PDPR: variants seen among roughly 807,000 people sequenced by gnomAD.
PDPR encodes pyruvate dehydrogenase phosphatase regulatory subunit, mitochondrial.
In PDPR, 50 loss-of-function variants were observed where a neutral mutation model predicts 102.2. That is an observed-to-expected ratio of 0.49 (90% confidence interval 0.39 to 0.62). The LOEUF is 0.62. Ranked by LOEUF, PDPR falls within the 20% of genes least tolerant of loss-of-function variation. The probability of loss-of-function intolerance (pLI) is 0.00; values close to 1 mark genes in which losing one functional copy is unlikely to be tolerated. For synonymous variants in PDPR, 259 were observed against 406.0 expected, an observed-to-expected ratio of 0.64 and a Z score of 4.35; for missense variants, 625 against 1,098.2, an observed-to-expected ratio of 0.57 and a Z score of 6.09.
Position 70,157,457 on chromosome 16 carries a change from C to G in PDPR, c.*578C>G, listed in dbSNP as rs1466065038. The stretch of plus-strand genomic sequence containing the variant: ...TCTACCTCACTGATAAGAGGCATCG[C>G]ATGGACGTTCTCTGGTCTGTAGTGG... On this transcript the variant is annotated 3_prime_UTR_variant, in exon 19 of 19. Transcript: ENST00000288050. 1 of 346,096 alleles carries G rather than the reference C, an allele frequency of 2.9e-6. No individual in the cohort carries two copies. Among genetic ancestry groups the G allele is most frequent in the Non-Finnish European group, 5.7e-6 (1 of 176,664 alleles). 21.4% of individuals were successfully genotyped at this position (346,096 alleles called of 1,614,324 possible). A position where few individuals can be genotyped will look rare whatever the true frequency, so the allele number is the denominator to read the frequency against.
At chr16:70,135,191 G>C (rs1300750460) in intron 9 of PDPR, among the ~76,000 whole-genome samples, 2 of 152,214 alleles carry the variant, frequency 1.3e-5, no homozygotes, top group Non-Finnish European at 1.5e-5. Flanking sequence ...CTTTAAAGCA[G>C]GGTGAAAGTC....
chr16:70,152,806 C>T (rs185859832), intron 17 of PDPR, among the ~76,000 whole-genome samples: 8 of 152,400 alleles, frequency 5.2e-5, no homozygotes, highest in East Asian at 1.9e-4. Context: ...GATCTGATAA[C>T]GTACATGTTT....
At chr16:70,120,328 G>C in intron 2 of PDPR, 133 bp from the exon 3 acceptor site, 1 of 612,282 alleles carries the variant, frequency 1.6e-6, no homozygotes, top group Non-Finnish European at 3.0e-6. Context: ...GGGATTACAG[G>C]TGTGAGGCAC....
chr16:70,120,709 G>T lies in PDPR; in HGVS notation c.217G>T (p.Glu73Ter), dbSNP rs1009043408. 2 of 1,609,740 alleles carry T rather than the reference G, an allele frequency of 1.2e-6. No individual in the cohort carries two copies. The highest frequency in any genetic ancestry group is 1.1e-5 in the South Asian group (1 of 90,988). The change falls in exon 3 of 19, where the codon GAG becomes TAG. Residue 73 changes from glutamate to a stop codon, truncating the protein, a stop_gained. Coordinates refer to ENST00000288050, the MANE Select transcript of PDPR (RefSeq NM_017990.5). LOFTEE classifies it high-confidence loss of function. ...GGGGTGGAAGGATATTGTCCTTTTG[G>T]AGCAGGGCAGGTAAGGATCAGACTG... is the stretch of plus-strand genomic sequence containing the variant. ...KMGWKDIVLL[E>*]QGRLAAGSTR...
At chr16:70,147,495 C>A (rs1157354893) in intron 16 of PDPR, 57 of 390,060 alleles carry the variant, frequency 1.5e-4, no homozygotes, top group African/African-American at 9.8e-4. Context: ...GAAGAAATGG[C>A]GTAGGTGAAT....
In PDPR at chr16:70,157,374, TC is replaced by T. The variant is rs1808045210; in HGVS notation, c.*496del. The T allele has an allele frequency of 2.7e-6, 1 of 369,084 alleles. No homozygotes were observed. The highest frequency in any genetic ancestry group is 3.6e-5 in the Admixed American group (1 of 27,916). 22.9% of individuals were successfully genotyped at this position (369,084 alleles called of 1,614,324 possible). The stretch of plus-strand genomic sequence containing the variant: ...TCGTGCCTGCAGCCCGGCAGCTCGT[TC>T]TCCTGTTCTGCTGTGCTGTGGGCTG... On this transcript the variant is annotated 3_prime_UTR_variant, in exon 19 of 19. Transcript: ENST00000288050.
intron 17 of PDPR, 81 bp from the exon 18 acceptor site, chr16:70,153,310 T>G (rs1243126419): frequency 7.1e-7 from 1 of 1,400,976 alleles, no homozygotes; most frequent in African/African-American, 1.4e-5. Context: ...GTTAATAGTG[T>G]GAGCCATCAG....
At chr16:70,135,303 C>G (rs1965009126) in intron 9 of PDPR, among the ~76,000 whole-genome samples, 1 of 150,238 alleles carries the variant, frequency 6.7e-6, no homozygotes, top group African/African-American at 2.5e-5. Flanking sequence ...GTGTCACGAT[C>G]TCTGCTCACT....
chr16:70,131,933 A>G, intron 8 of PDPR: 2 of 1,490,438 alleles, frequency 1.3e-6, no homozygotes, highest in South Asian at 2.4e-5. Flanking sequence ...AATCAGAGAA[A>G]CAGTCTCCAC....
In PDPR at chr16:70,156,302, A is replaced by G. The variant is rs1967179989; in HGVS notation, c.2236-173A>G. 11 of 736,920 alleles carry G rather than the reference A, an allele frequency of 1.5e-5. No homozygotes were observed. The South Asian group carries it at 1.9e-4, about 13-fold the overall frequency. 45.6% of individuals were successfully genotyped at this position (736,920 alleles called of 1,614,324 possible). ...TACCGCGGCGTCTTTTATATTTCACATGCAGTTTTTCACATGGTAGAAATC... is the reference window on the plus strand; with the variant it reads ...TACCGCGGCGTCTTTTATATTTCACGTGCAGTTTTTCACATGGTAGAAATC... On this transcript the variant is annotated intron_variant, in intron 18 of 18. Coordinates refer to ENST00000288050, the MANE Select transcript of PDPR (RefSeq NM_017990.5).
chr16:70,121,413 C>G (rs576413024), intron 3 of PDPR, among the ~76,000 whole-genome samples: 26 of 151,606 alleles, frequency 1.7e-4, no homozygotes, highest in African/African-American at 5.3e-4. Flanking sequence ...CAATATTGGC[C>G]GGGCATGGTG....
At chr16:70,131,134 A>G (rs1964497159) in intron 7 of PDPR, among the ~76,000 whole-genome samples, 168 bp from the exon 8 acceptor site, 1 of 152,312 alleles carries the variant, frequency 6.6e-6, no homozygotes, top group African/African-American at 2.4e-5. Flanking sequence ...TAAAAAATGT[A>G]GTATTGCTCC....
intron 8 of PDPR, chr16:70,131,627 T>C: frequency 1.0e-6 from 1 of 970,556 alleles, no homozygotes; most frequent in Non-Finnish European, 1.2e-6. Flanking sequence ...ATTTTTTTGT[T>C]TTTGTTTGTT....
chr16:70,152,486 C>T (rs1443412071), intron 17 of PDPR, among the ~76,000 whole-genome samples: 1 of 152,270 alleles, frequency 6.6e-6, no homozygotes, highest in African/African-American at 2.4e-5. Context: ...CCACTTCACT[C>T]TAGCCTGGGC....
chr16:70,122,186 CG>C, intron 3 of PDPR, among the ~76,000 whole-genome samples: 1 of 152,346 alleles, frequency 6.6e-6, no homozygotes, highest in Admixed American at 6.5e-5. Context: ...AGGATTTCAC[CG>C]TGTTAGCCAG....
intron 3 of PDPR, among the ~76,000 whole-genome samples, chr16:70,122,627 A>G (rs1259682859): frequency 6.6e-6 from 1 of 152,280 alleles, no homozygotes; most frequent in Non-Finnish European, 1.5e-5. Flanking sequence ...CCCTTTGAGG[A>G]GAGATGGATT....
In PDPR at chr16:70,160,679, T is replaced by G. The variant is rs1266791516; in HGVS notation, c.*3800T>G. 3 of 152,544 alleles carry G rather than the reference T, an allele frequency of 2.0e-5. No individual in the cohort carries two copies. Among genetic ancestry groups the G allele is most frequent in the East Asian group, 3.8e-4 (2 of 5,206 alleles). 9.4% of individuals were successfully genotyped at this position (152,544 alleles called of 1,614,324 possible). A position where few individuals can be genotyped will look rare whatever the true frequency, so the allele number is the denominator to read the frequency against. On this transcript the variant is annotated 3_prime_UTR_variant, in exon 19 of 19. Transcript: ENST00000288050. ...TTGCTTGCTTTCCTGGACTGCTGTTTGCAAGAAAGTAACTAAAACATGAAA... is the reference window on the plus strand; with the variant it reads ...TTGCTTGCTTTCCTGGACTGCTGTTGGCAAGAAAGTAACTAAAACATGAAA...
At chr16:70,123,266 T>G (rs185993235) in intron 3 of PDPR, among the ~76,000 whole-genome samples, 2 of 152,382 alleles carry the variant, frequency 1.3e-5, no homozygotes, top group African/African-American at 4.8e-5. Flanking sequence ...AGACAGAGTC[T>G]CACGCTGTCA....
At chr16:70,141,544 G>A (rs1442439489) in intron 11 of PDPR, among the ~76,000 whole-genome samples, 3 of 152,250 alleles carry the variant, frequency 2.0e-5, no homozygotes, top group African/African-American at 4.8e-5. Context: ...ATGAAGAATC[G>A]AATGCCATTT....
Sources: gnomAD v4.1 joint callset for allele counts (sites outside exome capture counted in the v4.1 genomes callset) on GRCh38, gnomAD v4.1.1 for gene constraint, MANE v1.5 for transcripts, NCBI Gene and HGNC (gene_info 2026-07-23, HGNC 2026-07-21) for gene names.